COL24A1: variants seen among roughly 807,000 people sequenced by gnomAD.
COL24A1 encodes the protein collagen type XXIV alpha 1 chain, also known as collagen alpha-1(XXIV) chain.
COL24A1 carries 224 observed loss-of-function variants against 253.9 expected under a neutral mutation model. That is an observed-to-expected ratio of 0.88 (90% CI 0.79 to 0.99). The LOEUF is 0.99. COL24A1 is among the 50% of genes least tolerant of loss of function. The pLI, the probability that COL24A1 is intolerant of heterozygous loss-of-function variation, is 0.00. For missense variants in COL24A1, 2,131 were observed against 2,068.5 expected (o/e 1.03, Z -0.59); for synonymous variants, 685 against 673.7 (o/e 1.02, Z -0.26).
intron 43 of COL24A1, among the ~76,000 whole-genome samples, chr1:85,824,218 A>C (rs910750637): frequency 1.3e-5 from 2 of 152,146 alleles, no homozygotes; most frequent in Non-Finnish European, 1.5e-5. Flanking sequence ...GAGATTGGAG[A>C]GATGCGGTCA....
chr1:85,994,473 G>A (rs1026396089), intron 19 of COL24A1, among the ~76,000 whole-genome samples: 3 of 150,798 alleles, frequency 2.0e-5, no homozygotes, highest in Admixed American at 6.6e-5. Context: ...ATATTCAAAC[G>A]AGTAAGAATG....
rs1673227297 is a variant in COL24A1, at chr1:85,818,048, T to C, written c.3829A>G (p.Lys1277Glu). The part of the protein sequence containing the change: ...GKKGAPGPSG[K>E]PGIPGLQGLL... The stretch of plus-strand genomic sequence containing the variant: ...CTGTTACTTACAGGAATCCCAGGTT[T>C]CCCAGAAGGACCAGGAGCTCCTTTT... Residue 1277 changes from lysine (K) to glutamate (E), a missense_variant, in exon 46 of 60, where the codon AAA becomes GAA. Transcript: ENST00000370571. 1 of 1,613,578 alleles carries C rather than the reference T, an allele frequency of 6.2e-7. No homozygotes were observed. Among genetic ancestry groups the C allele is most frequent in the Non-Finnish European group, 8.5e-7 (1 of 1,179,686 alleles).
intron 7 of COL24A1, among the ~76,000 whole-genome samples, chr1:86,082,527 AC>A (rs1702717504): frequency 6.7e-6 from 1 of 148,560 alleles, no homozygotes; most frequent in Non-Finnish European, 1.5e-5. Context: ...GTTTATGTGA[AC>A]CTCCACTATG....
intron 10 of COL24A1, among the ~76,000 whole-genome samples, chr1:86,053,674 CT>C (rs1467647720): frequency 1.3e-5 from 2 of 152,030 alleles, no homozygotes; most frequent in African/African-American, 4.8e-5. Context: ...TATACTTTTA[CT>C]TTTGGGGGCA....
chr1:86,088,171 A>G (rs1703207419), intron 7 of COL24A1, among the ~76,000 whole-genome samples: 1 of 152,150 alleles, frequency 6.6e-6, no homozygotes, highest in East Asian at 1.9e-4. Context: ...ACAATTTACA[A>G]ATGAGGTAAC....
At chr1:85,734,627 A>T in intron 59 of COL24A1, 122 bp downstream of exon 59, 1 of 830,150 alleles carries the variant, frequency 1.2e-6, no homozygotes, top group Non-Finnish European at 1.9e-6. Context: ...GCACATTAAA[A>T]CTTACTACCC....
At chr1:85,845,892 T>C (rs112913859) in intron 39 of COL24A1, among the ~76,000 whole-genome samples, 2 of 151,938 alleles carry the variant, frequency 1.3e-5, no homozygotes, top group South Asian at 2.1e-4. Flanking sequence ...AGATTCAGCA[T>C]TGAAGGAAAT....
At position 85,899,867 on chromosome 1, in the gene COL24A1, T is replaced by C. The variant is rs531445429; in HGVS notation, c.2779-3458A>G. 3.3e-4 allele frequency among the ~76,000 whole-genome samples: 50 copies of C among 152,266 alleles called. No homozygotes were observed. The Middle Eastern group carries it at 0.01, about 31-fold the overall frequency. ...TTTAAGATGAAGAAACTGAAGTCTG[T>C]AGATGTTAGGTGAGTAGCCTGACTC... On this transcript the variant is annotated intron_variant, in intron 28 of 59. Coordinates refer to ENST00000370571, the MANE Select transcript of COL24A1 (RefSeq NM_152890.7).
intron 24 of COL24A1, among the ~76,000 whole-genome samples, chr1:85,952,309 A>G (rs530667682): frequency 1.1e-4 from 17 of 152,318 alleles, no homozygotes; most frequent in Admixed American, 7.8e-4. Flanking sequence ...TTCTGGTAAG[A>G]TTCTTAAGTG....
intron 20 of COL24A1, among the ~76,000 whole-genome samples, chr1:85,972,673 C>T (rs548101219): frequency 2.4e-4 from 37 of 152,260 alleles, no homozygotes; most frequent in African/African-American, 8.4e-4. Context: ...ACTCCACCTT[C>T]GACTGTAACT....
In COL24A1 at chr1:86,017,219, G is replaced by A. The variant is rs760098251; in HGVS notation, c.2257-15C>T. Reference sequence around the variant, plus strand: ...CCTGTTTGGCCCTAAAATGGGGGGGGAGGATCAAAGTATAAACATAAACTT... The same window carrying A: ...CCTGTTTGGCCCTAAAATGGGGGGGAAGGATCAAAGTATAAACATAAACTT... On this transcript the variant is annotated splice_polypyrimidine_tract_variant and intron_variant, in intron 18 of 59. Coordinates refer to ENST00000370571, the MANE Select transcript of COL24A1 (RefSeq NM_152890.7). 6.4e-7 allele frequency: 1 copy of A among 1,551,368 alleles called. No individual in the cohort carries two copies. Among genetic ancestry groups the A allele is most frequent in the South Asian group, 1.2e-5 (1 of 82,206 alleles).
chr1:85,927,780 C>T (rs1687472448), intron 24 of COL24A1, among the ~76,000 whole-genome samples: 6 of 79,382 alleles, frequency 7.6e-5, no homozygotes, highest in Non-Finnish European at 7.5e-5. Flanking sequence ...GACCCCTGAC[C>T]CCCGAGCAGC....
intron 4 of COL24A1, among the ~76,000 whole-genome samples, chr1:86,112,944 T>C (rs982412578): frequency 6.6e-6 from 1 of 152,190 alleles, no homozygotes; most frequent in Non-Finnish European, 1.5e-5. Flanking sequence ...CTTATACTGT[T>C]CTAATCTGTT....
intron 24 of COL24A1, among the ~76,000 whole-genome samples, chr1:85,914,345 C>T (rs966817515): frequency 2.4e-5 from 3 of 123,846 alleles, no homozygotes; most frequent in Non-Finnish European, 5.1e-5. Flanking sequence ...TGTGTGTGTG[C>T]AGCAAATATC....
intron 7 of COL24A1, among the ~76,000 whole-genome samples, chr1:86,073,486 C>A (rs992854803): frequency 6.6e-6 from 1 of 152,146 alleles, no homozygotes; most frequent in Admixed American, 6.5e-5. Flanking sequence ...AAAGACCAAA[C>A]CTACGTTTGA....
At chr1:85,902,004 GATAA>G (rs1375685030) in intron 28 of COL24A1, among the ~76,000 whole-genome samples, 2 of 152,054 alleles carry the variant, frequency 1.3e-5, no homozygotes, top group African/African-American at 4.8e-5. Context: ...TGGACAAATG[GATAA>G]ATAAAGTGTG....
intron 24 of COL24A1, among the ~76,000 whole-genome samples, chr1:85,950,811 G>A (rs533149481): frequency 5.5e-4 from 84 of 152,294 alleles, no homozygotes; most frequent in African/African-American, 1.9e-3. Flanking sequence ...AAGTATAGAA[G>A]TGATACTGGC....
chr1:85,912,229 G>A (rs951744116), intron 24 of COL24A1, among the ~76,000 whole-genome samples: 1 of 152,070 alleles, frequency 6.6e-6, no homozygotes, highest in Non-Finnish European at 1.5e-5. Context: ...TGATTTGCTA[G>A]AAGATGTTAA....
At chr1:85,857,588 C>T (rs1199710799) in intron 37 of COL24A1, among the ~76,000 whole-genome samples, 1 of 151,750 alleles carries the variant, frequency 6.6e-6, no homozygotes, top group Non-Finnish European at 1.5e-5. Context: ...GCACAAATAA[C>T]ACCTGCATCA....
Sources: allele counts gnomAD v4.1 joint callset (sites outside exome capture counted in the v4.1 genomes callset), GRCh38; gene constraint gnomAD v4.1.1; transcripts MANE v1.5; gene names NCBI Gene and HGNC (gene_info 2026-07-23, HGNC 2026-07-21).